The following F13A1 variants were observed in gnomAD, a reference collection of about 807,000 sequenced individuals.
F13A1 encodes coagulation factor XIII A chain.
F13A1 carries 47 observed loss-of-function variants against 80.1 expected under a neutral mutation model. The observed-to-expected ratio is 0.59, with a 90% CI of 0.46 to 0.75. The LOEUF (loss-of-function observed/expected upper bound fraction) is 0.75. Ranked by LOEUF, F13A1 falls within the 30% of genes least tolerant of loss-of-function variation. The pLI is 0.00. For synonymous variants in F13A1, 349 were observed against 344.9 expected (o/e 1.01, Z -0.13); for missense variants, 817 against 930.4 (o/e 0.88, Z 1.59).
At position 6,208,405 on chromosome 6, in the gene F13A1, T is replaced by C. The variant is rs767700060; in HGVS notation, c.1113-11079A>G. 2.0e-5 allele frequency among the ~76,000 whole-genome samples: 3 copies of C among 152,002 alleles called. No homozygotes were observed. In the South Asian group the frequency reaches 6.2e-4, roughly 32 times the overall value. ...CCAGAAACAGGTGAGATGTTACTTA[T>C]GCAGTTGATGAAGTATATTAACATT... On this transcript the variant is annotated intron_variant, in intron 8 of 14. Coordinates refer to ENST00000264870, the MANE Select transcript of F13A1 (RefSeq NM_000129.4).
chr6:6,234,694 G>A (rs577594239), intron 6 of F13A1, among the ~76,000 whole-genome samples: 6 of 152,026 alleles, frequency 3.9e-5, no homozygotes, highest in Non-Finnish European at 8.8e-5. Context: ...TAATTTAAAA[G>A]TACATAATTA....
At position 6,181,972 on chromosome 6, in the gene F13A1, A is replaced by G. The variant is rs1760995800; in HGVS notation, c.1459+16T>C. On this transcript the variant is annotated intron_variant, in intron 11 of 14. Coordinates refer to ENST00000264870, the MANE Select transcript of F13A1 (RefSeq NM_000129.4). ...GACTTGGGCAAATAAATCTTCATTC[A>G]GTGGTAGTAAATTACCTTCTTGGAA... The G allele has an allele frequency of 8.1e-6, 13 of 1,613,924 alleles. No homozygotes were observed. Among genetic ancestry groups the G allele is most frequent in the Non-Finnish European group, 1.0e-5 (12 of 1,179,794 alleles).
chr6:6,312,371 C>A lies in F13A1; in HGVS notation c.130+6164G>T, dbSNP rs188305616. Among the ~76,000 whole-genome samples, 465 of 151,652 alleles carry A rather than the reference C, an allele frequency of 3.1e-3. 2 individuals are homozygous for A. The highest frequency in any genetic ancestry group is 0.01 in the Middle Eastern group (3 of 292). On this transcript the variant is annotated intron_variant, in intron 2 of 14. Coordinates refer to ENST00000264870, the MANE Select transcript of F13A1 (RefSeq NM_000129.4). ...TAAGTAAAACTTTCCTGTATAATCT[C>A]TTAAAAGTGCGTCTTGGGGGCCGGG...
chr6:6,305,703 C>A (rs905460558), intron 2 of F13A1, 164 bp from the exon 3 acceptor site: 7 of 663,006 alleles, frequency 1.1e-5, no homozygotes, highest in Non-Finnish European at 1.8e-5. Flanking sequence ...CGAGAGTCAG[C>A]CTCTTGTGAC....
chr6:6,241,615 T>C (rs956204683), intron 6 of F13A1, among the ~76,000 whole-genome samples: 1 of 152,190 alleles, frequency 6.6e-6, no homozygotes, highest in African/African-American at 2.4e-5. Context: ...TCCTCAGATG[T>C]ATCTACGACC....
intron 14 of F13A1, among the ~76,000 whole-genome samples, chr6:6,148,507 G>A (rs1023726798): frequency 1.3e-5 from 2 of 152,156 alleles, no homozygotes; most frequent in Non-Finnish European, 2.9e-5. Flanking sequence ...AAAGAAATAC[G>A]GTCTTGCAAA....
At chr6:6,256,640 T>G (rs1041656120) in intron 4 of F13A1, among the ~76,000 whole-genome samples, 1 of 152,060 alleles carries the variant, frequency 6.6e-6, no homozygotes, top group East Asian at 1.9e-4. Flanking sequence ...CCAAGAAAAT[T>G]TGGGGTGGAT....
intron 9 of F13A1, among the ~76,000 whole-genome samples, chr6:6,196,721 C>T (rs999177224): frequency 1.3e-5 from 2 of 152,114 alleles, no homozygotes; most frequent in Non-Finnish European, 2.9e-5. Context: ...GCTGCAGCTG[C>T]TTAGCATAGT....
chr6:6,186,177 G>C (rs1306078458), intron 10 of F13A1, among the ~76,000 whole-genome samples: 4 of 150,588 alleles, frequency 2.7e-5, no homozygotes, highest in Non-Finnish European at 4.4e-5. Flanking sequence ...TAGGTTGCCT[G>C]TTCACTCTGA....
chr6:6,227,577 C>T (rs1757294542), intron 6 of F13A1, among the ~76,000 whole-genome samples: 1 of 152,042 alleles, frequency 6.6e-6, no homozygotes, highest in Admixed American at 6.5e-5. Flanking sequence ...TTGAAGAATG[C>T]CTTGGTAGGC....
intron 12 of F13A1, among the ~76,000 whole-genome samples, chr6:6,172,244 A>G (rs911866844): frequency 2.6e-5 from 4 of 152,182 alleles, no homozygotes; most frequent in Non-Finnish European, 5.9e-5. Flanking sequence ...CACAGCTGGT[A>G]GGTGACACAG....
In F13A1 at chr6:6,261,675, T is replaced by C. The variant is rs80293693; in HGVS notation, c.571+4883A>G. Reference sequence around the variant, plus strand: ...GGTGACCCTCCAGGTGATTCTGATGTGCTCCAAGCGTGGTGACCCTCCAGG... The same window carrying C: ...GGTGACCCTCCAGGTGATTCTGATGCGCTCCAAGCGTGGTGACCCTCCAGG... On this transcript the variant is annotated intron_variant, in intron 4 of 14. Transcript: ENST00000264870. 6.1e-3 allele frequency among the ~76,000 whole-genome samples: 115 copies of C among 18,870 alleles called. 25 individuals carry two copies. Among genetic ancestry groups the C allele is most frequent in the South Asian group, 0.012 (4 of 336 alleles). The allele number at this position is 18,870 out of a possible 152,430, so 12.4% of individuals were successfully genotyped here.
intron 3 of F13A1, among the ~76,000 whole-genome samples, chr6:6,300,122 G>A (rs1758399855): frequency 7.0e-6 from 1 of 143,364 alleles, no homozygotes; most frequent in East Asian, 2.0e-4. Context: ...ATCTCCAGCT[G>A]TGTGCTGGGA....
At chr6:6,192,260 A>T (rs1441882629) in intron 10 of F13A1, among the ~76,000 whole-genome samples, 2 of 152,176 alleles carry the variant, frequency 1.3e-5, no homozygotes, top group African/African-American at 4.8e-5. Flanking sequence ...GGGTTGGGGC[A>T]GGAGTGTGAT....
intron 4 of F13A1, among the ~76,000 whole-genome samples, chr6:6,254,286 C>A (rs538566198): frequency 1.3e-5 from 2 of 152,044 alleles, no homozygotes; most frequent in African/African-American, 4.8e-5. Context: ...TCACTTTGCC[C>A]AATGCTATTT....
At chr6:6,273,128 G>A (rs1270278608) in intron 3 of F13A1, among the ~76,000 whole-genome samples, 2 of 152,210 alleles carry the variant, frequency 1.3e-5, no homozygotes, top group Admixed American at 6.5e-5. Context: ...GGTCTGCATC[G>A]AGACCCCTTT....
chr6:6,267,925 C>T (rs1757868040), intron 3 of F13A1, among the ~76,000 whole-genome samples: 1 of 152,186 alleles, frequency 6.6e-6, no homozygotes, highest in Admixed American at 6.5e-5. Context: ...GTACTAACTT[C>T]TACTTTTGTT....
At chr6:6,280,361 G>A (rs1400609245) in intron 3 of F13A1, among the ~76,000 whole-genome samples, 1 of 152,166 alleles carries the variant, frequency 6.6e-6, no homozygotes, top group Non-Finnish European at 1.5e-5. Flanking sequence ...AGTAGACCGT[G>A]GGGGAAGTCA....
At chr6:6,170,352 C>T (rs533156711) in intron 12 of F13A1, among the ~76,000 whole-genome samples, 2 of 151,900 alleles carry the variant, frequency 1.3e-5, no homozygotes, top group Admixed American at 6.5e-5. Flanking sequence ...TAGAACACTC[C>T]CTAAATCATA....
Sources: gnomAD v4.1 joint callset for allele counts (sites outside exome capture counted in the v4.1 genomes callset) on GRCh38, gnomAD v4.1.1 for gene constraint, MANE v1.5 for transcripts, NCBI Gene and HGNC (gene_info 2026-07-23, HGNC 2026-07-21) for gene names.